Variants in TMEM132D observed in about 807,000 individuals in gnomAD.
TMEM132D encodes mature OL transmembrane protein.
TMEM132D carries 21 observed loss-of-function variants against 62.3 expected under a neutral mutation model. That is an observed-to-expected ratio of 0.34 (90% CI 0.24 to 0.49). TMEM132D has a LOEUF of 0.49. Ranked by LOEUF, TMEM132D falls within the 20% of genes least tolerant of loss-of-function variation. The pLI is 0.99. For missense variants in TMEM132D, 1,346 were observed against 1,402.8 expected (o/e 0.96, Z 0.65); for synonymous variants, 621 against 575.6 (o/e 1.08, Z -1.13).
intron 1 of TMEM132D, among the ~76,000 whole-genome samples, chr12:129,780,215 G>A (rs891677449): frequency 4.0e-5 from 6 of 149,200 alleles, no homozygotes; most frequent in Non-Finnish European, 5.9e-5. Context: ...TGATCTCCCC[G>A]TCCCGCTGTG....
chr12:129,369,036 T>C (rs1462560364), intron 3 of TMEM132D, among the ~76,000 whole-genome samples: 3 of 152,204 alleles, frequency 2.0e-5, no homozygotes, highest in Non-Finnish European at 4.4e-5. Flanking sequence ...CCCTGTGGTA[T>C]CAATCAGCTG....
At chr12:129,590,813 T>C (rs1878165735) in intron 2 of TMEM132D, among the ~76,000 whole-genome samples, 1 of 152,176 alleles carries the variant, frequency 6.6e-6, no homozygotes. Flanking sequence ...CTAACCAGCA[T>C]GGAGGAGGGA....
At chr12:129,835,601 GT>G (rs1376620397) in intron 1 of TMEM132D, among the ~76,000 whole-genome samples, 2 of 152,214 alleles carry the variant, frequency 1.3e-5, no homozygotes, top group East Asian at 1.9e-4. Context: ...TGTGCATGAG[GT>G]TTTAAAAAAT....
At chr12:129,646,994 C>T (rs1205525692) in intron 2 of TMEM132D, among the ~76,000 whole-genome samples, 5 of 151,546 alleles carry the variant, frequency 3.3e-5, no homozygotes, top group African/African-American at 1.2e-4. Flanking sequence ...GAGACAGGGT[C>T]TCCCCATGTT....
At chr12:129,414,799 T>C (rs908800532) in intron 3 of TMEM132D, among the ~76,000 whole-genome samples, 3 of 152,178 alleles carry the variant, frequency 2.0e-5, no homozygotes, top group Non-Finnish European at 4.4e-5. Context: ...GACGAGCATC[T>C]CCTTGTATCT....
intron 3 of TMEM132D, among the ~76,000 whole-genome samples, chr12:129,355,601 C>T (rs1465481759): frequency 6.6e-6 from 1 of 152,146 alleles, no homozygotes; most frequent in East Asian, 1.9e-4. Flanking sequence ...CAATTCAGAA[C>T]ACCTTCCAAA....
chr12:129,492,019 T>C lies in TMEM132D; in HGVS notation c.1115+39040A>G, dbSNP rs571645453. 2.0e-5 allele frequency among the ~76,000 whole-genome samples: 3 copies of C among 152,344 alleles called. No individual in the cohort carries two copies. In the East Asian group the frequency reaches 5.8e-4, roughly 29 times the overall value. On this transcript the variant is annotated intron_variant, in intron 3 of 8. Transcript: ENST00000422113. ...ATTTTATACAAGTTAGAAAGAAACT[T>C]TACTTGGGCAAGTGGCATTATGAAT... is the stretch of plus-strand genomic sequence containing the variant.
chr12:129,304,587 G>A (rs1274435222), intron 4 of TMEM132D, among the ~76,000 whole-genome samples: 1 of 149,860 alleles, frequency 6.7e-6, no homozygotes, highest in Non-Finnish European at 1.5e-5. Context: ...TATCCTCCTA[G>A]CTCTTTCCCA....
chr12:129,404,427 C>T (rs1871714056), intron 3 of TMEM132D, among the ~76,000 whole-genome samples: 1 of 152,080 alleles, frequency 6.6e-6, no homozygotes. Flanking sequence ...GAACTCCTGA[C>T]CTAAAGTGAT....
chr12:129,171,869 C>A (rs1161579190), intron 5 of TMEM132D, among the ~76,000 whole-genome samples: 1 of 152,170 alleles, frequency 6.6e-6, no homozygotes, highest in Non-Finnish European at 1.5e-5. Flanking sequence ...TTTAGCATAA[C>A]TCTTAAGGGC....
At chr12:129,584,436 G>A (rs1220667669) in intron 2 of TMEM132D, among the ~76,000 whole-genome samples, 7 of 152,246 alleles carry the variant, frequency 4.6e-5, no homozygotes, top group African/African-American at 7.2e-5. Context: ...CACGACCTTC[G>A]AGCATGGCTA....
In TMEM132D at chr12:129,632,823, C is replaced by G. The variant is rs77877014; in HGVS notation, c.968+66987G>C. ...GCTGCCTTATTAATACCTGAAGTCA[C>G]TAACTATTGATGACCTTTGTCATCA... On this transcript the variant is annotated intron_variant, in intron 2 of 8. Transcript: ENST00000422113. Among the ~76,000 whole-genome samples, 1,161 of 152,366 alleles carry G rather than the reference C, an allele frequency of 7.6e-3. 11 individuals are homozygous for G. Among genetic ancestry groups the G allele is most frequent in the African/African-American group, 0.026 (1,099 of 41,586 alleles).
At chr12:129,600,568 C>A (rs1289768614) in intron 2 of TMEM132D, among the ~76,000 whole-genome samples, 1 of 152,200 alleles carries the variant, frequency 6.6e-6, no homozygotes, top group Admixed American at 6.5e-5. Flanking sequence ...CAGCCATAGC[C>A]TTATCAAAGG....
intron 4 of TMEM132D, among the ~76,000 whole-genome samples, chr12:129,231,663 G>A (rs1879643334): frequency 6.6e-6 from 1 of 152,174 alleles, no homozygotes; most frequent in Non-Finnish European, 1.5e-5. Context: ...TGGCTGATGA[G>A]CTCAGCTGGT....
chr12:129,132,035 A>G (rs1283321909), intron 5 of TMEM132D, among the ~76,000 whole-genome samples: 1 of 152,216 alleles, frequency 6.6e-6, no homozygotes, highest in East Asian at 1.9e-4. Flanking sequence ...AATTATCTCT[A>G]TTTACAAAAG....
At chr12:129,893,764 G>A (rs1875012744) in intron 1 of TMEM132D, among the ~76,000 whole-genome samples, 1 of 152,194 alleles carries the variant, frequency 6.6e-6, no homozygotes, top group Non-Finnish European at 1.5e-5. Flanking sequence ...ATAATTGTGT[G>A]AACTGAGCCA....
rs187537658 is a variant in TMEM132D, at chr12:129,348,845, G to A, written c.1116-11028C>T. ...CAGGCAATCCTGAGTGACGGGGCCC[G>A]AGACCTTCCACCACAGCTCCCATTG... On this transcript the variant is annotated intron_variant, in intron 3 of 8. Coordinates refer to ENST00000422113, the MANE Select transcript of TMEM132D (RefSeq NM_133448.3). Among the ~76,000 whole-genome samples, 401 of 152,288 alleles carry A rather than the reference G, an allele frequency of 2.6e-3. 1 individual carries two copies. Among genetic ancestry groups the A allele is most frequent in the African/African-American group, 9.1e-3 (380 of 41,564 alleles).
intron 2 of TMEM132D, among the ~76,000 whole-genome samples, chr12:129,541,483 C>T (rs1386852388): frequency 6.6e-6 from 1 of 152,216 alleles, no homozygotes; most frequent in Non-Finnish European, 1.5e-5. Flanking sequence ...GGCTGCACCC[C>T]TCAACACACC....
intron 1 of TMEM132D, among the ~76,000 whole-genome samples, chr12:129,875,866 A>C (rs367910073): frequency 5.3e-5 from 8 of 152,226 alleles, no homozygotes; most frequent in Non-Finnish European, 4.4e-5. Flanking sequence ...AATTCTGTTG[A>C]TCAAACACAA....
Sources: gnomAD v4.1 joint callset for allele counts (sites outside exome capture counted in the v4.1 genomes callset) on GRCh38, gnomAD v4.1.1 for gene constraint, MANE v1.5 for transcripts, NCBI Gene and HGNC (gene_info 2026-07-23, HGNC 2026-07-21) for gene names.